Variants in ZC3H12D observed in about 807,000 individuals in gnomAD.
The protein encoded by ZC3H12D is probable ribonuclease ZC3H12D.
In ZC3H12D, 11 loss-of-function variants were observed where a neutral mutation model predicts 24.2. The observed-to-expected ratio is 0.46, with a 90% confidence interval of 0.29 to 0.75. The LOEUF (loss-of-function observed/expected upper bound fraction) is 0.75. Ranked by LOEUF, ZC3H12D falls within the 30% of genes least tolerant of loss-of-function variation. The probability of loss-of-function intolerance (pLI) is 0.11; values close to 1 mark genes in which losing one functional copy is unlikely to be tolerated. For synonymous variants in ZC3H12D, 333 were observed against 341.8 expected (o/e 0.97, Z 0.28); for missense variants, 740 against 767.7 (o/e 0.96, Z 0.43).
At chr6:149,457,327 T>C (rs1447570558) in intron 3 of ZC3H12D, among the ~76,000 whole-genome samples, 5 of 152,196 alleles carry the variant, frequency 3.3e-5, no homozygotes, top group Non-Finnish European at 7.3e-5. Context: ...ACGGGGAGCC[T>C]GGCATTCACC....
Position 149,456,756 on chromosome 6 carries a change from T to C in ZC3H12D, c.590A>G (p.Asn197Ser), listed in dbSNP as rs1471274315. The C allele has an allele frequency of 7.4e-6, 12 of 1,613,712 alleles. No individual in the cohort carries two copies. Among genetic ancestry groups the C allele is most frequent in the East Asian group, 4.5e-5 (2 of 44,884 alleles). ...AYEQDGVIVSNDNYRDLQSEN... is the reference protein window; with the variant it reads ...AYEQDGVIVSSDNYRDLQSEN... ...GCTCTGCAGGTCCCGGTAGTTGTCG[T>C]TGGAGACGATGACGCCGTCCTGCTC... The change falls in exon 4 of 6, where the codon AAC becomes AGC. Residue 197 changes from asparagine to serine, a missense_variant. Physicochemically the swap from Asn to Ser is conservative, Grantham distance 46 (BLOSUM62 1). Coordinates refer to ENST00000409806, the MANE Select transcript of ZC3H12D (RefSeq NM_207360.3). The surrounding 1 kb of genome is among the most constrained non-coding windows in gnomAD (Gnocchi z 4.3).
intron 2 of ZC3H12D, among the ~76,000 whole-genome samples, chr6:149,468,834 A>G (rs1554269816): frequency 6.6e-6 from 1 of 152,036 alleles, no homozygotes; most frequent in Non-Finnish European, 1.5e-5. Flanking sequence ...CCTGCTGGGA[A>G]CCCACTGAGG....
chr6:149,484,455 T>C (rs1217647141), intron 1 of ZC3H12D, among the ~76,000 whole-genome samples: 2 of 152,298 alleles, frequency 1.3e-5, no homozygotes, highest in South Asian at 2.1e-4. Context: ...TCTGATTTCC[T>C]AATACGTAAA....
chr6:149,466,448 T>C (rs545829249), intron 2 of ZC3H12D, among the ~76,000 whole-genome samples: 2 of 152,074 alleles, frequency 1.3e-5, no homozygotes, highest in African/African-American at 4.8e-5. Context: ...GTTTTCTGTG[T>C]CCCTGAAGCA....
chr6:149,474,453 C>G lies in ZC3H12D; in HGVS notation c.91G>C (p.Ala31Pro). ...TCCTGCAGCACGTCGTTGACCAGGG[C>G]GCCCTCGCCCAGCTTGCCCAACACC... is the stretch of plus-strand genomic sequence containing the variant. Reference protein sequence around the residue: ...LRVLGKLGEGALVNDVLQELI... With the variant: ...LRVLGKLGEGPLVNDVLQELI... Residue 31 changes from alanine to proline, a missense_variant, in exon 2 of 6, where the codon GCC (alanine) becomes CCC (proline). Transcript: ENST00000409806. 1 of 1,598,574 alleles carries G rather than the reference C, an allele frequency of 6.3e-7. No individual in the cohort carries two copies. The highest frequency in any genetic ancestry group is 2.2e-5 in the East Asian group (1 of 44,450).
At position 149,461,819 on chromosome 6, in the gene ZC3H12D, G is replaced by T. The variant is rs1178812781; in HGVS notation, c.445+12C>A. On this transcript the variant is annotated intron_variant, in intron 3 of 5. Coordinates refer to ENST00000409806, the MANE Select transcript of ZC3H12D (RefSeq NM_207360.3). ...TCTAGTACCTCTTGAGCATACATCT[G>T]CTCCAGCATACCTCTGATAGGGGTG... 6.4e-7 allele frequency: 1 copy of T among 1,552,526 alleles called. No individual in the cohort carries two copies. Among genetic ancestry groups the T allele is most frequent in the East Asian group, 2.4e-5 (1 of 41,214 alleles).
Position 149,456,808 on chromosome 6 carries a change from C to A in ZC3H12D, c.538G>T (p.Asp180Tyr). ...TAGGCCACCTTCACGATGTAGCGGT[C>A]GTCGTAGCAGACCAGGCGCTTGCCG... Reference protein sequence around the residue: ...VHGKRLVCYDDRYIVKVAYEQ... With the variant: ...VHGKRLVCYDYRYIVKVAYEQ... Residue 180 changes from aspartate to tyrosine, a missense_variant, in exon 4 of 6, where the codon GAC (aspartate) becomes TAC (tyrosine). Transcript: ENST00000409806. This position sits in a 1 kb window ranked among gnomAD's most constrained non-coding sequence, Gnocchi z 4.3. 1.9e-6 allele frequency: 3 copies of A among 1,613,214 alleles called. No homozygotes were observed. The highest frequency in any genetic ancestry group is 2.5e-6 in the Non-Finnish European group (3 of 1,179,796).
chr6:149,477,082 C>G (rs1168313241), intron 1 of ZC3H12D, among the ~76,000 whole-genome samples: 1 of 152,252 alleles, frequency 6.6e-6, no homozygotes, highest in East Asian at 1.9e-4. Context: ...ATCCACCTTT[C>G]TCCCTCATCC....
intron 1 of ZC3H12D, among the ~76,000 whole-genome samples, chr6:149,478,488 T>G (rs1403064341): frequency 6.6e-6 from 1 of 152,248 alleles, no homozygotes; most frequent in Non-Finnish European, 1.5e-5. Flanking sequence ...AATAAATGAA[T>G]TTTTTAAGTT....
At chr6:149,475,521 GC>G (rs1776321697) in intron 1 of ZC3H12D, among the ~76,000 whole-genome samples, 1 of 152,164 alleles carries the variant, frequency 6.6e-6, no homozygotes. Flanking sequence ...ATAGAGACCA[GC>G]CTGGCCAACA....
intron 2 of ZC3H12D, 28 bp from the exon 3 acceptor site, chr6:149,461,998 G>A: frequency 6.2e-7 from 1 of 1,600,610 alleles, no homozygotes; most frequent in South Asian, 1.1e-5. Context: ...AGAAATCATA[G>A]AGACACAGCA....
Position 149,456,623 on chromosome 6 carries a change from G to GGGGTCAGGGCC in ZC3H12D, c.680+42_680+43insGGCCCTGACCC. The GGGGTCAGGGCC allele has an allele frequency of 1.3e-6, 1 of 744,588 alleles. No homozygotes were observed. 46.1% of individuals were successfully genotyped at this position (744,588 alleles called of 1,614,324 possible). On this transcript the variant is annotated intron_variant, in intron 4 of 5. Coordinates refer to ENST00000409806, the MANE Select transcript of ZC3H12D (RefSeq NM_207360.3). The surrounding 1 kb of genome is among the most constrained non-coding windows in gnomAD (Gnocchi z 4.3). ...GCCACTGCCTCGACCCCGGCCCCCCGCCCCGCCGCCCCCCAGGGTGTCAGG... is the reference window on the plus strand; with the variant it reads ...GCCACTGCCTCGACCCCGGCCCCCCGGGGTCAGGGCCCCCCGCCGCCCCCCAGGGTGTCAGG...
Position 149,450,933 on chromosome 6 carries a change from C to T in ZC3H12D, c.1334G>A (p.Arg445His). The T allele has an allele frequency of 6.5e-7, 1 of 1,539,504 alleles. No homozygotes were observed. The highest frequency in any genetic ancestry group is 8.7e-7 in the Non-Finnish European group (1 of 1,145,764). The change falls in exon 6 of 6, where the codon CGC (arginine) becomes CAC (histidine). Residue 445 changes from arginine (R) to histidine (H), a missense_variant. Arg to His is a conservative substitution (Grantham distance 29, BLOSUM62 0). Coordinates refer to ENST00000409806, the MANE Select transcript of ZC3H12D (RefSeq NM_207360.3). The part of the protein sequence containing the change: ...DPWARPPRSD[R>H]FPGRSVWAEP... ...CGCCCAGACGGAGCGCCCAGGGAAG[C>T]GGTCGGAGCGGGGTGGACGGGCCCA...
intron 1 of ZC3H12D, among the ~76,000 whole-genome samples, chr6:149,483,968 C>T (rs919005482): frequency 3.3e-5 from 5 of 152,170 alleles, no homozygotes; most frequent in African/African-American, 7.2e-5. Flanking sequence ...CCTCTGTGAA[C>T]GATGTTGCTG....
intron 3 of ZC3H12D, among the ~76,000 whole-genome samples, chr6:149,461,339 CAA>C (rs202117524): frequency 1.3e-4 from 12 of 95,008 alleles, no homozygotes; most frequent in Non-Finnish European, 1.1e-4. Flanking sequence ...GATTTGGTCT[CAA>C]AAAAAAAAAA....
At chr6:149,451,621 T>C (rs1775898069) in intron 5 of ZC3H12D, 142 bp from the exon 6 acceptor site, 2 of 723,670 alleles carry the variant, frequency 2.8e-6, no homozygotes, top group African/African-American at 1.9e-5. Context: ...CGCCGCGGAC[T>C]CCTCAGACTC....
chr6:149,454,048 A>G (rs1054358022), intron 4 of ZC3H12D, among the ~76,000 whole-genome samples: 1 of 152,172 alleles, frequency 6.6e-6, no homozygotes, highest in Non-Finnish European at 1.5e-5. Context: ...GAGGAAGTGG[A>G]TCCCAGGTGC....
chr6:149,460,555 C>T lies in ZC3H12D; in HGVS notation c.445+1276G>A, dbSNP rs1307613421. On this transcript the variant is annotated intron_variant, in intron 3 of 5. Coordinates refer to ENST00000409806, the MANE Select transcript of ZC3H12D (RefSeq NM_207360.3). ...TACAAAAAACAAAAACTAGCTAGGG[C>T]AGGGTGCGGTGGCTCACACATGTAA... is the stretch of plus-strand genomic sequence containing the variant. 4.6e-5 allele frequency among the ~76,000 whole-genome samples: 7 copies of T among 152,202 alleles called. No individual in the cohort carries two copies. The South Asian group carries it at 1.5e-3, about 32-fold the overall frequency.
chr6:149,453,141 A>G (rs1024289157), intron 4 of ZC3H12D, among the ~76,000 whole-genome samples: 16 of 151,934 alleles, frequency 1.1e-4, no homozygotes, highest in East Asian at 1.9e-4. Flanking sequence ...AAAAAAAAAA[A>G]AAAAAGAAAA....
Sources: allele counts gnomAD v4.1 joint callset (sites outside exome capture counted in the v4.1 genomes callset), GRCh38; gene constraint gnomAD v4.1.1; non-coding constraint Gnocchi (gnomAD v3.1); transcripts MANE v1.5; gene names NCBI Gene and HGNC (gene_info 2026-07-23, HGNC 2026-07-21).